CDC42EP3: variants seen among roughly 807,000 people sequenced by gnomAD.
CDC42EP3 encodes the protein CDC42 effector protein 3.
Under a neutral mutation model 15.5 loss-of-function variants are expected in CDC42EP3, and 4 were observed. The observed-to-expected ratio is 0.26, with a 90% CI of 0.13 to 0.59. The LOEUF (loss-of-function observed/expected upper bound fraction) is 0.59, where lower values mean the gene tolerates loss of function less well. Ranked by LOEUF, CDC42EP3 falls within the 20% of genes least tolerant of loss-of-function variation. The pLI is 0.89. For synonymous variants in CDC42EP3, 145 were observed against 130.3 expected (o/e 1.11, Z -0.77); for missense variants, 309 against 311.2 (o/e 0.99, Z 0.05).
intron 1 of CDC42EP3, among the ~76,000 whole-genome samples, chr2:37,669,451 T>C (rs973206203): frequency 6.6e-6 from 1 of 152,214 alleles, no homozygotes; most frequent in African/African-American, 2.4e-5. Flanking sequence ...GGCTTTGTAT[T>C]TATTCATCTT....
At chr2:37,668,299 G>C (rs972141331) in intron 1 of CDC42EP3, among the ~76,000 whole-genome samples, 9 of 152,140 alleles carry the variant, frequency 5.9e-5, no homozygotes, top group African/African-American at 2.2e-4. Context: ...GACAGAACCA[G>C]TATTAAGTAC....
At chr2:37,657,338 AG>A (rs1665900625) in intron 1 of CDC42EP3, among the ~76,000 whole-genome samples, 1 of 152,206 alleles carries the variant, frequency 6.6e-6, no homozygotes, top group Admixed American at 6.5e-5. Flanking sequence ...TGCTTTGCTT[AG>A]GGGTTTTCTT....
In CDC42EP3 at chr2:37,646,830, A is replaced by G. The variant is rs543438510; in HGVS notation, c.-235-8T>C. The stretch of plus-strand genomic sequence containing the variant: ...ACCACAACCAGGACAAACCTGCAGA[A>G]GAAACCAAAGCAGGTTATAAGCTAA... On this transcript the variant is annotated splice_region_variant and splice_polypyrimidine_tract_variant and intron_variant, in intron 1 of 1. Transcript: ENST00000295324. The G allele has an allele frequency of 2.1e-5, 8 of 387,844 alleles. No individual in the cohort carries two copies. In the Admixed American group the frequency reaches 2.6e-4, roughly 12 times the overall value. The allele number at this position is 387,844 out of a possible 1,614,324, so 24.0% of individuals were successfully genotyped here.
chr2:37,647,190 C>T (rs1381426743), intron 1 of CDC42EP3, among the ~76,000 whole-genome samples: 1 of 152,184 alleles, frequency 6.6e-6, no homozygotes, highest in Non-Finnish European at 1.5e-5. Flanking sequence ...GATGTGCATA[C>T]TAGCAACACT....
At position 37,645,898 on chromosome 2, in the gene CDC42EP3, G is replaced by T; in HGVS notation, c.690C>A (p.Ser230=). ...SEESLSDLTG[S]LLSLQLDLGP... ...CAAGATCAAGCTGCAGGGAGAGGAG[G>T]GAACCTGTAAGGTCAGAGAGGGACT... Residue 230 remains serine, a synonymous_variant, in exon 2 of 2, where the codon TCC becomes TCA. Coordinates refer to ENST00000295324, the MANE Select transcript of CDC42EP3 (RefSeq NM_006449.5). The T allele has an allele frequency of 6.2e-7, 1 of 1,607,742 alleles. No homozygotes were observed. Among genetic ancestry groups the T allele is most frequent in the Non-Finnish European group, 8.5e-7 (1 of 1,177,198 alleles).
At position 37,645,645 on chromosome 2, in the gene CDC42EP3, G is replaced by GTTTT; in HGVS notation, c.*174_*177dup. On this transcript the variant is annotated 3_prime_UTR_variant, in exon 2 of 2. Coordinates refer to ENST00000295324, the MANE Select transcript of CDC42EP3 (RefSeq NM_006449.5). ...TTGCCAAGATAGGTTTTGCTTTGTT[G>GTTTT]TTTTTTTCTAAATTGTTTTTGCAAA... is the stretch of plus-strand genomic sequence containing the variant. 1 of 514,300 alleles carries GTTTT rather than the reference G, an allele frequency of 1.9e-6. No homozygotes were observed. The highest frequency in any genetic ancestry group is 3.1e-5 in the East Asian group (1 of 32,024). The allele number at this position is 514,300 out of a possible 1,614,324, so 31.9% of individuals were successfully genotyped here.
chr2:37,671,150 G>A (rs1420373212), intron 1 of CDC42EP3, among the ~76,000 whole-genome samples: 1 of 152,272 alleles, frequency 6.6e-6, no homozygotes, highest in African/African-American at 2.4e-5. Flanking sequence ...CAATAGCTCG[G>A]AGGGTGCAAT....
chr2:37,646,250 C>G lies in CDC42EP3; in HGVS notation c.338G>C (p.Gly113Ala), dbSNP rs1189783559. 1.2e-6 allele frequency: 2 copies of G among 1,614,030 alleles called. No homozygotes were observed. The highest frequency in any genetic ancestry group is 1.3e-5 in the African/African-American group (1 of 74,914). ...GGGCAACATGAGAGCTTGGGATCCT[C>G]CAATGGTCGGGAGGGAGATGGCATT... ...LKNAISLPTI[G>A]GSQALMLPLL... is the part of the protein sequence containing the mutation. The change falls in exon 2 of 2, where the codon GGA becomes GCA. Residue 113 changes from glycine to alanine, a missense_variant. By Grantham distance (60) the Gly-to-Ala change is moderately conservative. Transcript: ENST00000295324.
At chr2:37,663,447 CTG>C (rs905508479) in intron 1 of CDC42EP3, among the ~76,000 whole-genome samples, 47 of 152,356 alleles carry the variant, frequency 3.1e-4, no homozygotes, top group African/African-American at 1.1e-3. Flanking sequence ...GACCCTTACT[CTG>C]TGCTCTAAGT....
At chr2:37,650,864 G>A (rs1252105660) in intron 1 of CDC42EP3, among the ~76,000 whole-genome samples, 2 of 152,202 alleles carry the variant, frequency 1.3e-5, no homozygotes, top group Non-Finnish European at 2.9e-5. Context: ...AGGCAGTGGG[G>A]CAATATCTAT....
At chr2:37,667,359 G>A (rs1355401055) in intron 1 of CDC42EP3, among the ~76,000 whole-genome samples, 1 of 152,150 alleles carries the variant, frequency 6.6e-6, no homozygotes, top group Admixed American at 6.5e-5. Flanking sequence ...CAGGTAGTGT[G>A]GTTCCTGCCT....
At chr2:37,654,380 G>A (rs1449858260) in intron 1 of CDC42EP3, among the ~76,000 whole-genome samples, 1 of 152,158 alleles carries the variant, frequency 6.6e-6, no homozygotes, top group African/African-American at 2.4e-5. Context: ...CTCATAGAAA[G>A]AGAAAACTAA....
chr2:37,652,656 C>G (rs566036227), intron 1 of CDC42EP3, among the ~76,000 whole-genome samples: 40 of 152,290 alleles, frequency 2.6e-4, no homozygotes, highest in African/African-American at 8.9e-4. Flanking sequence ...CATCGAAACC[C>G]TGGGCTCAAG....
chr2:37,672,939 T>G (rs1180435607), upstream of CDC42EP3, among the ~76,000 whole-genome samples: 2 of 152,154 alleles, frequency 1.3e-5, no homozygotes, highest in African/African-American at 2.4e-5. Flanking sequence ...AGGCTGACTT[T>G]AAGGTGAAGT....
chr2:37,660,596 C>CTTTAT (rs1231634478), intron 1 of CDC42EP3, among the ~76,000 whole-genome samples: 23 of 152,104 alleles, frequency 1.5e-4, no homozygotes, highest in Non-Finnish European at 2.4e-4. Flanking sequence ...TCTCTGTTGA[C>CTTTAT]CCACTTACTT....
intron 1 of CDC42EP3, among the ~76,000 whole-genome samples, chr2:37,655,558 TACA>T (rs1665821822): frequency 1.3e-5 from 2 of 151,566 alleles, no homozygotes; most frequent in Admixed American, 6.6e-5. Context: ...CTCTGGCAGT[TACA>T]ACAAGGCAGG....
intron 1 of CDC42EP3, among the ~76,000 whole-genome samples, chr2:37,668,083 G>A (rs1572528851): frequency 6.6e-6 from 1 of 152,206 alleles, no homozygotes; most frequent in East Asian, 1.9e-4. Flanking sequence ...TGTAAAGTAG[G>A]CACAGTAAGA....
In CDC42EP3 at chr2:37,645,617, T is replaced by A. The variant is rs1416421472; in HGVS notation, c.*206A>T. On this transcript the variant is annotated 3_prime_UTR_variant, in exon 2 of 2. Coordinates refer to ENST00000295324, the MANE Select transcript of CDC42EP3 (RefSeq NM_006449.5). ...AAAATGGGCTCTGACTCACTTCCTTTTTTTGCCAAGATAGGTTTTGCTTTG... is the reference window on the plus strand; with the variant it reads ...AAAATGGGCTCTGACTCACTTCCTTATTTTGCCAAGATAGGTTTTGCTTTG... 1 of 445,560 alleles carries A rather than the reference T, an allele frequency of 2.2e-6. No individual in the cohort carries two copies. The highest frequency in any genetic ancestry group is 3.9e-6 in the Non-Finnish European group (1 of 255,376). The allele number at this position is 445,560 out of a possible 1,614,324, so 27.6% of individuals were successfully genotyped here.
intron 1 of CDC42EP3, among the ~76,000 whole-genome samples, chr2:37,657,003 C>A (rs1386395073): frequency 8.0e-6 from 1 of 124,858 alleles, no homozygotes; most frequent in African/African-American, 3.2e-5. Flanking sequence ...CCCCGCCCCC[C>A]GCCATCCTCG....
Sources: gnomAD v4.1 joint callset for allele counts (sites outside exome capture counted in the v4.1 genomes callset) on GRCh38, gnomAD v4.1.1 for gene constraint, MANE v1.5 for transcripts, NCBI Gene and HGNC (gene_info 2026-07-23, HGNC 2026-07-21) for gene names.